Variants in LINGO1 observed in about 807,000 individuals in gnomAD.
LINGO1 encodes leucine-rich repeat and immunoglobulin-like domain-containing nogo receptor-interacting protein 1.
LINGO1 carries 11 observed loss-of-function variants against 37.3 expected under a neutral mutation model. The ratio of observed to expected loss-of-function variants is 0.29; its 90% CI spans 0.19 to 0.49. The LOEUF is 0.49. LINGO1 is among the 20% of genes least tolerant of loss of function. LINGO1 has a pLI of 0.99. For missense variants in LINGO1, 585 were observed against 878.2 expected (o/e 0.67, Z 4.22); for synonymous variants, 387 against 403.0 (o/e 0.96, Z 0.48).
intron 2 of LINGO1, among the ~76,000 whole-genome samples, chr15:77,723,363 C>T (rs2076070379): frequency 6.6e-6 from 1 of 152,206 alleles, no homozygotes; most frequent in African/African-American, 2.4e-5. Context: ...AAGAGTCATC[C>T]TGCCCTCAAG....
At chr15:77,673,516 T>A (rs2075284072) in intron 3 of LINGO1, among the ~76,000 whole-genome samples, 1 of 152,220 alleles carries the variant, frequency 6.6e-6, no homozygotes, top group Non-Finnish European at 1.5e-5. Context: ...TTGAAATGCA[T>A]CTTGCCCTTG....
At position 77,772,930 on chromosome 15, in the gene LINGO1, G is replaced by A. The variant is rs572997362; in HGVS notation, c.-257+13939C>T. ...GGCTCTGGGGACTGGGAGGCCAGGG[G>A]AGTGGGCTTCAGTCTCTCCCTCCCC... On this transcript the variant is annotated intron_variant, in intron 1 of 3. Transcript: ENST00000561686. 4.3e-3 allele frequency among the ~76,000 whole-genome samples: 659 copies of A among 152,292 alleles called. 10 individuals carry two copies. Among genetic ancestry groups the A allele is most frequent in the Non-Finnish European group, 6.6e-3 (447 of 68,018 alleles).
upstream of LINGO1, among the ~76,000 whole-genome samples, chr15:77,632,992 G>C (rs1456250318): frequency 6.6e-6 from 1 of 151,184 alleles, no homozygotes; most frequent in Non-Finnish European, 1.5e-5. The surrounding 1 kb of genome is among the most constrained non-coding windows in gnomAD (Gnocchi z 6.0). Context: ...GGAGGAGAAG[G>C]CGCGGCCGCA....
At chr15:77,770,207 T>C (rs2076570350) in intron 1 of LINGO1, among the ~76,000 whole-genome samples, 1 of 152,076 alleles carries the variant, frequency 6.6e-6, no homozygotes, top group African/African-American at 2.4e-5. Context: ...CCATACTAAG[T>C]ACTAGGCACT....
upstream of LINGO1, among the ~76,000 whole-genome samples, chr15:77,698,137 G>A (rs1254767108): frequency 7.9e-5 from 12 of 152,168 alleles, no homozygotes; most frequent in Non-Finnish European, 1.8e-4. Flanking sequence ...CAATATAGAG[G>A]AGGGCGGATG....
intron 2 of LINGO1, among the ~76,000 whole-genome samples, chr15:77,705,407 A>C (rs1354336815): frequency 2.0e-5 from 3 of 152,146 alleles, no homozygotes; most frequent in Non-Finnish European, 4.4e-5. Context: ...AAGGGGAGAC[A>C]CTGAGGTCAC....
At chr15:77,715,304 G>A (rs2075970881) in intron 2 of LINGO1, among the ~76,000 whole-genome samples, 2 of 152,232 alleles carry the variant, frequency 1.3e-5, no homozygotes, top group Admixed American at 6.5e-5. Context: ...TGGGGGCCTA[G>A]GAGGGGTCTG....
chr15:77,772,481 T>C (rs537069646), intron 1 of LINGO1, among the ~76,000 whole-genome samples: 12 of 152,260 alleles, frequency 7.9e-5, no homozygotes, highest in Non-Finnish European at 1.6e-4. Flanking sequence ...AGGTGGGAAT[T>C]CTGACTGCTC....
At chr15:77,796,301 T>C (rs2076872659) in intron 1 of LINGO1, among the ~76,000 whole-genome samples, 1 of 151,848 alleles carries the variant, frequency 6.6e-6, no homozygotes, top group African/African-American at 2.4e-5. Flanking sequence ...CACATGTGCG[T>C]GCGGGCGTGC....
chr15:77,685,825 T>C (rs1372533450), intron 2 of LINGO1, among the ~76,000 whole-genome samples: 1 of 152,192 alleles, frequency 6.6e-6, no homozygotes, highest in Non-Finnish European at 1.5e-5. Context: ...CTCTCCATTC[T>C]GGGTGACACA....
At chr15:77,663,365 G>A (rs536876705) in intron 3 of LINGO1, among the ~76,000 whole-genome samples, 3 of 152,174 alleles carry the variant, frequency 2.0e-5, no homozygotes, top group Admixed American at 6.5e-5. Context: ...TGGCTAAATA[G>A]GGCCTGGTTC....
chr15:77,614,130 T>C lies in LINGO1; in HGVS notation c.1777A>G (p.Ile593Val). Residue 593 changes from isoleucine (I) to valine (V), a missense_variant, in exon 2 of 2, where the codon ATC (isoleucine) becomes GTC (valine). By Grantham distance (29) the Ile-to-Val change is conservative (BLOSUM62 3). Around this residue, in one of 4 missense-constraint regions of LINGO1, gnomAD observed 34 missense variants for 62.0 expected, o/e 0.55. Coordinates refer to ENST00000355300, the MANE Select transcript of LINGO1 (RefSeq NM_032808.7). ...TTTCGGGGCACATACTCGATCTCGA[T>C]GTTGTGCTTTGTGTTGCCCTTGCCC... ...SRGKGNTKHN[I>V]EIEYVPRKSD... The C allele has an allele frequency of 6.2e-7, 1 of 1,613,936 alleles. No individual in the cohort carries two copies. Among genetic ancestry groups the C allele is most frequent in the South Asian group, 1.1e-5 (1 of 91,074 alleles).
chr15:77,615,577 C>T lies in LINGO1; in HGVS notation c.330G>A (p.Val110=). The change falls in exon 2 of 2, where the codon GTG becomes GTA. Residue 110 remains valine (V), a synonymous_variant. Transcript: ENST00000355300. ...LELNENIVSA[V]EPGAFNNLFN... ...AGAGGTTGTTGAAGGCGCCGGGCTCCACGGCGCTCACGATGTTCTCGTTGA... is the reference window on the plus strand; with the variant it reads ...AGAGGTTGTTGAAGGCGCCGGGCTCTACGGCGCTCACGATGTTCTCGTTGA... The T allele has an allele frequency of 6.2e-7, 1 of 1,611,392 alleles. No individual in the cohort carries two copies. Among genetic ancestry groups the T allele is most frequent in the Non-Finnish European group, 8.5e-7 (1 of 1,178,722 alleles).
chr15:77,749,785 ATCT>A (rs988775368), intron 1 of LINGO1, among the ~76,000 whole-genome samples: 3 of 152,174 alleles, frequency 2.0e-5, no homozygotes, highest in Non-Finnish European at 2.9e-5. Flanking sequence ...TTAGTCAAAC[ATCT>A]TCTCTCTGCC....
chr15:77,779,392 T>C (rs1171023241), intron 1 of LINGO1, among the ~76,000 whole-genome samples: 1 of 152,144 alleles, frequency 6.6e-6, no homozygotes, highest in Non-Finnish European at 1.5e-5. Context: ...TATTGTGCAC[T>C]TGATTTCTAT....
At chr15:77,725,127 C>T in intron 2 of LINGO1, among the ~76,000 whole-genome samples, 1 of 152,080 alleles carries the variant, frequency 6.6e-6, no homozygotes, top group African/African-American at 2.4e-5. Context: ...AGTCCAGAGG[C>T]AGGTCTACAC....
intron 1 of LINGO1, among the ~76,000 whole-genome samples, chr15:77,779,009 C>T (rs1356339496): frequency 2.6e-5 from 4 of 152,160 alleles, no homozygotes; most frequent in African/African-American, 9.7e-5. Context: ...TCCTTCTCCC[C>T]TGGCTGCTCC....
intron 2 of LINGO1, among the ~76,000 whole-genome samples, chr15:77,730,717 A>G (rs1236766028): frequency 6.6e-6 from 1 of 152,264 alleles, no homozygotes; most frequent in African/African-American, 2.4e-5. Flanking sequence ...AGACTTTGGC[A>G]TCAGAGTGGC....
chr15:77,769,035 C>T (rs2076557820), intron 1 of LINGO1, among the ~76,000 whole-genome samples: 1 of 152,232 alleles, frequency 6.6e-6, no homozygotes. Flanking sequence ...GCTCCCACTG[C>T]TGTCAGGGAC....
Sources: gnomAD v4.1 joint callset for allele counts (sites outside exome capture counted in the v4.1 genomes callset) on GRCh38, gnomAD v4.1.1 for gene constraint, gnomAD v4.1.1 regional missense constraint, Gnocchi (gnomAD v3.1) non-coding constraint, MANE v1.5 for transcripts, NCBI Gene and HGNC (gene_info 2026-07-23, HGNC 2026-07-21) for gene names.